ARHGAP25: variants seen among roughly 807,000 people sequenced by gnomAD.
ARHGAP25 encodes the protein rho GTPase-activating protein 25.
In ARHGAP25, 34 loss-of-function variants were observed where a neutral mutation model predicts 71.0. The ratio of observed to expected loss-of-function variants is 0.48; its 90% CI spans 0.36 to 0.64. The LOEUF (loss-of-function observed/expected upper bound fraction) is 0.64. Ranked by LOEUF, ARHGAP25 falls within the 30% of genes least tolerant of loss-of-function variation. The pLI is 0.00. For missense variants in ARHGAP25, 706 were observed against 805.1 expected, an observed-to-expected ratio of 0.88 and a Z score of 1.49; for synonymous variants, 282 against 296.5, an observed-to-expected ratio of 0.95 and a Z score of 0.50.
upstream of ARHGAP25, among the ~76,000 whole-genome samples, chr2:68,730,925 G>A (rs1675006688): frequency 6.6e-6 from 1 of 152,192 alleles, no homozygotes. Flanking sequence ...TGCCACCCAA[G>A]CAGAGGGAAC....
intron 1 of ARHGAP25, among the ~76,000 whole-genome samples, chr2:68,744,770 G>A (rs1037063786): frequency 2.6e-5 from 4 of 152,166 alleles, no homozygotes; most frequent in African/African-American, 7.2e-5. Context: ...GAGTGCCCGC[G>A]GACAATGCAG....
At chr2:68,763,343 TTCA>T (rs1289245687) in intron 1 of ARHGAP25, among the ~76,000 whole-genome samples, 69 of 152,346 alleles carry the variant, frequency 4.5e-4, no homozygotes, top group Admixed American at 1.3e-3. Context: ...TCTGCTGTAC[TTCA>T]TCATTTTTCC....
upstream of ARHGAP25, among the ~76,000 whole-genome samples, chr2:68,730,747 T>G (rs1675002824): frequency 6.6e-6 from 1 of 152,080 alleles, no homozygotes; most frequent in African/African-American, 2.4e-5. Context: ...CTTCAACTAG[T>G]GGGTATGGGG....
At chr2:68,792,293 G>A (rs933229256) in intron 4 of ARHGAP25, among the ~76,000 whole-genome samples, 1 of 152,150 alleles carries the variant, frequency 6.6e-6, no homozygotes, top group Admixed American at 6.5e-5. Flanking sequence ...TGGAGTACAG[G>A]TGCAAATTTG....
chr2:68,815,704 C>T (rs879824242), intron 6 of ARHGAP25, among the ~76,000 whole-genome samples: 1 of 152,064 alleles, frequency 6.6e-6, no homozygotes, highest in Admixed American at 6.5e-5. Flanking sequence ...CACGGAAAAG[C>T]TCGCTGTCCC....
At chr2:68,813,850 G>C (rs1404615635) in intron 6 of ARHGAP25, among the ~76,000 whole-genome samples, 1 of 152,290 alleles carries the variant, frequency 6.6e-6, no homozygotes, top group Middle Eastern at 3.4e-3. Context: ...AGGACAGGGA[G>C]GGTTTTTTGA....
At chr2:68,818,608 G>A (rs926610141) in intron 8 of ARHGAP25, among the ~76,000 whole-genome samples, 1 of 152,226 alleles carries the variant, frequency 6.6e-6, no homozygotes, top group Non-Finnish European at 1.5e-5. Context: ...GATTACAGGC[G>A]TGAGCCGCTG....
chr2:68,800,550 G>A (rs1679892065), intron 4 of ARHGAP25, among the ~76,000 whole-genome samples: 2 of 152,024 alleles, frequency 1.3e-5, no homozygotes, highest in South Asian at 2.1e-4. Flanking sequence ...GGGAGGTGGG[G>A]CTGGCATGGG....
At chr2:68,799,166 A>G (rs1558645814) in intron 4 of ARHGAP25, among the ~76,000 whole-genome samples, 1 of 152,136 alleles carries the variant, frequency 6.6e-6, no homozygotes, top group African/African-American at 2.4e-5. Context: ...AGGGGGTGGG[A>G]GTGAATTTGA....
chr2:68,817,741 G>C, intron 7 of ARHGAP25, 132 bp from the exon 8 acceptor site: 1 of 1,141,430 alleles, frequency 8.8e-7, no homozygotes, highest in Non-Finnish European at 1.2e-6. Context: ...CTTGTGGGCA[G>C]AGCAGGCTGG....
At chr2:68,731,528 C>CAG (rs1675020088), upstream of ARHGAP25, among the ~76,000 whole-genome samples, 2 of 152,078 alleles carry the variant, frequency 1.3e-5, no homozygotes, top group Non-Finnish European at 2.9e-5. Context: ...AGGATACAGT[C>CAG]AGAACTCTTT....
intron 2 of ARHGAP25, among the ~76,000 whole-genome samples, chr2:68,729,483 G>A (rs1674959168): frequency 1.3e-5 from 2 of 152,120 alleles, no homozygotes; most frequent in South Asian, 4.1e-4. Flanking sequence ...CTGATTCCTT[G>A]CAAAATCACT....
intron 2 of ARHGAP25, among the ~76,000 whole-genome samples, chr2:68,729,453 T>C (rs1452911160): frequency 1.3e-5 from 2 of 152,138 alleles, no homozygotes; most frequent in Non-Finnish European, 2.9e-5. Flanking sequence ...GAAATAAAGA[T>C]ATAAGAAACT....
chr2:68,756,206 C>T (rs1252150021), intron 1 of ARHGAP25, among the ~76,000 whole-genome samples: 1 of 152,240 alleles, frequency 6.6e-6, no homozygotes, highest in African/African-American at 2.4e-5. Context: ...AGCCCTGTGG[C>T]AGGCTTTCCA....
chr2:68,736,595 A>G (rs973938722), intron 1 of ARHGAP25, among the ~76,000 whole-genome samples: 2 of 152,234 alleles, frequency 1.3e-5, no homozygotes, highest in African/African-American at 4.8e-5. Context: ...AGTTGAGACA[A>G]TTAATAGTTA....
chr2:68,734,098 T>C (rs773236312), upstream of ARHGAP25, among the ~76,000 whole-genome samples: 2 of 152,126 alleles, frequency 1.3e-5, no homozygotes, highest in African/African-American at 4.8e-5. Context: ...TAGAATAGAA[T>C]AAAGGTTGAA....
intron 2 of ARHGAP25, among the ~76,000 whole-genome samples, chr2:68,776,260 G>C (rs964862548): frequency 5.9e-5 from 8 of 135,028 alleles, no homozygotes; most frequent in Admixed American, 3.1e-4. Context: ...AGGGGTCAGG[G>C]GCACAGACTG....
Position 68,819,275 on chromosome 2 carries a change from A to G in ARHGAP25, c.1156A>G (p.Thr386Ala). Reference protein sequence around the residue: ...VARSSVGWDATEDLRISRTDS... With the variant: ...VARSSVGWDAAEDLRISRTDS... ...CCGAAGCTCTGTAGGCTGGGATGCC[A>G]CTGAAGACCTCCGAATTTCTAGGAC... The change falls in exon 9 of 11, where the codon ACT becomes GCT. Residue 386 changes from threonine (T) to alanine (A), a missense_variant. By Grantham distance (58) the Thr-to-Ala change is moderately conservative (BLOSUM62 0). Transcript: ENST00000409202. 5.6e-6 allele frequency: 9 copies of G among 1,614,212 alleles called. No homozygotes were observed. The highest frequency in any genetic ancestry group is 7.6e-6 in the Non-Finnish European group (9 of 1,180,040).
intron 1 of ARHGAP25, among the ~76,000 whole-genome samples, chr2:68,748,507 A>G (rs1180009695): frequency 1.3e-5 from 2 of 152,204 alleles, no homozygotes; most frequent in African/African-American, 2.4e-5. Context: ...GCACTTTTAG[A>G]TAGTCACTGC....
Sources: gnomAD v4.1 joint callset for allele counts (sites outside exome capture counted in the v4.1 genomes callset) on GRCh38, gnomAD v4.1.1 for gene constraint, MANE v1.5 for transcripts, NCBI Gene and HGNC (gene_info 2026-07-23, HGNC 2026-07-21) for gene names.